RFX7: variants seen among roughly 807,000 people sequenced by gnomAD.
RFX7 encodes DNA-binding protein RFX7.
RFX7 carries 26 observed loss-of-function variants against 111.8 expected under a neutral mutation model. The ratio of observed to expected loss-of-function variants is 0.23; its 90% CI spans 0.17 to 0.32. The LOEUF is 0.32. RFX7 is among the 10% of genes least tolerant of loss of function. RFX7 has a pLI of 1.00. For missense variants in RFX7, 1,573 were observed against 1,772.9 expected (o/e 0.89, Z 2.02); for synonymous variants, 624 against 624.4 (o/e 1.00, Z 0.01).
chr15:56,131,874 A>G (rs762415882), intron 5 of RFX7, among the ~76,000 whole-genome samples: 3 of 151,630 alleles, frequency 2.0e-5, no homozygotes, highest in Non-Finnish European at 2.9e-5. Context: ...ACAACTAAAA[A>G]TAAGGACTAA....
chr15:56,121,766 T>A (rs1288704072), intron 5 of RFX7, among the ~76,000 whole-genome samples: 1 of 152,174 alleles, frequency 6.6e-6, no homozygotes, highest in African/African-American at 2.4e-5. Flanking sequence ...AATAACCTGT[T>A]TCAGGGTCAC....
At chr15:56,206,630 TG>T (rs1482020707) in intron 2 of RFX7, among the ~76,000 whole-genome samples, 1 of 152,184 alleles carries the variant, frequency 6.6e-6, no homozygotes, top group Admixed American at 6.5e-5. Context: ...GAATGGATAA[TG>T]TGGTACATAT....
intron 3 of RFX7, among the ~76,000 whole-genome samples, chr15:56,170,211 A>G (rs1480181650): frequency 2.0e-5 from 3 of 152,232 alleles, no homozygotes; most frequent in Admixed American, 6.5e-5. Flanking sequence ...AATGCCAATT[A>G]TAACTACCAT....
At chr15:56,214,684 C>T (rs190146558) in intron 2 of RFX7, among the ~76,000 whole-genome samples, 2,341 of 147,694 alleles carry the variant, frequency 0.016, 22 homozygotes, top group Non-Finnish European at 0.026. Flanking sequence ...CACTGCACTC[C>T]GGCCTGGGCA....
At chr15:56,198,915 C>A (rs2043169490) in intron 2 of RFX7, among the ~76,000 whole-genome samples, 1 of 151,814 alleles carries the variant, frequency 6.6e-6, no homozygotes. Context: ...TAACCCAGCA[C>A]TTTGGGAGGC....
chr15:56,087,388 C>A lies in RFX7; in HGVS notation c.*5957G>T, dbSNP rs560211522. On this transcript the variant is annotated 3_prime_UTR_variant, in exon 10 of 10. Coordinates refer to ENST00000559447, the MANE Select transcript of RFX7 (RefSeq NM_022841.7). ...CCTTCCAAAGTCATCATGCCCTGGG[C>A]TCCTTGTATCTTGTTGCTCAATCAT... 2.2e-6 allele frequency: 1 copy of A among 456,396 alleles called. No homozygotes were observed. Among genetic ancestry groups the A allele is most frequent in the Admixed American group, 2.3e-5 (1 of 42,572 alleles). The allele number at this position is 456,396 out of a possible 1,614,324, so 28.3% of individuals were successfully genotyped here. A position where few individuals can be genotyped will look rare whatever the true frequency, so the allele number is the denominator to read the frequency against.
chr15:56,153,274 C>A (rs1260477543), intron 3 of RFX7, among the ~76,000 whole-genome samples: 1 of 152,154 alleles, frequency 6.6e-6, no homozygotes, highest in African/African-American at 2.4e-5. Context: ...AAATTTCAGG[C>A]CAATATCCCT....
intron 2 of RFX7, among the ~76,000 whole-genome samples, chr15:56,207,358 A>G (rs1353676577): frequency 6.6e-6 from 1 of 152,164 alleles, no homozygotes; most frequent in East Asian, 1.9e-4. Context: ...GCTAGTGTTG[A>G]TGGCTACAAT....
At chr15:56,222,996 T>C (rs561209237) in intron 2 of RFX7, among the ~76,000 whole-genome samples, 8 of 152,346 alleles carry the variant, frequency 5.3e-5, no homozygotes, top group East Asian at 3.9e-4. Context: ...CTTTGTAGAA[T>C]TGATCTAAAA....
At chr15:56,106,234 A>C (rs1011437334) in intron 5 of RFX7, among the ~76,000 whole-genome samples, 3 of 152,250 alleles carry the variant, frequency 2.0e-5, no homozygotes, top group Non-Finnish European at 4.4e-5. Context: ...GTTATTTCAC[A>C]AAATCATCCA....
intron 5 of RFX7, among the ~76,000 whole-genome samples, chr15:56,122,262 T>G (rs72736496): frequency 0.049 from 7,428 of 152,192 alleles, 272 homozygotes; most frequent in Middle Eastern, 0.088. Context: ...TCCAGTAATG[T>G]GGTTCTTGCA....
chr15:56,220,573 C>T (rs2043416429), intron 2 of RFX7, among the ~76,000 whole-genome samples: 3 of 151,996 alleles, frequency 2.0e-5, no homozygotes, highest in South Asian at 4.2e-4. Flanking sequence ...CTTACAGACT[C>T]TGGATATTAG....
rs532974255 is a variant in RFX7 at position 56,223,212 on chromosome 15, AGTTC to A, written c.161+19909_161+19912del. ...GAAGAGACTGGCCCTGCACACGTGG[AGTTC>A]GGCATTCAGTTAAAGATTCAGAATG... On this transcript the variant is annotated intron_variant, in intron 2 of 9. Transcript: ENST00000559447. Among the ~76,000 whole-genome samples, 54 of 152,302 alleles carry A rather than the reference AGTTC, an allele frequency of 3.5e-4. 2 individuals carry two copies. In the South Asian group the frequency reaches 0.011, roughly 31 times the overall value.
At chr15:56,099,619 G>A (rs1347079154) in intron 8 of RFX7, among the ~76,000 whole-genome samples, 1 of 151,740 alleles carries the variant, frequency 6.6e-6, no homozygotes, top group Non-Finnish European at 1.5e-5. Context: ...TCTTAATATG[G>A]AGACTATATT....
chr15:56,239,175 T>C (rs2043658697), intron 2 of RFX7, among the ~76,000 whole-genome samples: 1 of 152,164 alleles, frequency 6.6e-6, no homozygotes, highest in Non-Finnish European at 1.5e-5. Context: ...TACTTGCATA[T>C]GTGTAATGAG....
At chr15:56,168,961 T>C (rs1423730413) in intron 3 of RFX7, among the ~76,000 whole-genome samples, 1 of 152,230 alleles carries the variant, frequency 6.6e-6, no homozygotes, top group Non-Finnish European at 1.5e-5. Flanking sequence ...TTTGGACTCT[T>C]TATTTGGTGA....
At chr15:56,209,205 A>G (rs2043286126) in intron 2 of RFX7, among the ~76,000 whole-genome samples, 1 of 152,006 alleles carries the variant, frequency 6.6e-6, no homozygotes, top group Non-Finnish European at 1.5e-5. Flanking sequence ...CCATACCTAT[A>G]CAGGAGCCAA....
In RFX7 at chr15:56,101,406, C is replaced by T. The variant is rs2041751061; in HGVS notation, c.764G>A (p.Gly255Asp). Reference sequence around the variant, plus strand: ...AGTTAGAGCTGCCATTGACTTGGTGCCTATATAGTGACTTTTTACAAGGAA... The same window carrying T: ...AGTTAGAGCTGCCATTGACTTGGTGTCTATATAGTGACTTTTTACAAGGAA... The part of the protein sequence containing the change: ...ARFLVKSHYI[G>D]TKSMAALTVM... The change falls in exon 8 of 10, where the codon GGC (glycine) becomes GAC (aspartate). Residue 255 changes from glycine (G) to aspartate (D), a missense_variant. Transcript: ENST00000559447. The T allele has an allele frequency of 6.2e-7, 1 of 1,609,408 alleles. No homozygotes were observed. Among genetic ancestry groups the T allele is most frequent in the Admixed American group, 1.7e-5 (1 of 59,188 alleles).
chr15:56,213,669 GGGGGACT>G (rs1418813479), intron 2 of RFX7, among the ~76,000 whole-genome samples: 1 of 152,102 alleles, frequency 6.6e-6, no homozygotes, highest in African/African-American at 2.4e-5. Flanking sequence ...TGACACCACT[GGGGGACT>G]GGGTAATAAA....
Sources: gnomAD v4.1 joint callset for allele counts (sites outside exome capture counted in the v4.1 genomes callset) on GRCh38, gnomAD v4.1.1 for gene constraint, MANE v1.5 for transcripts, NCBI Gene and HGNC (gene_info 2026-07-23, HGNC 2026-07-21) for gene names.